Variants in SH3BGR observed in about 807,000 individuals in gnomAD.
SH3BGR encodes the protein SH3 domain-binding glutamic acid-rich protein.
In SH3BGR, 29 loss-of-function variants were observed where a neutral mutation model predicts 24.5. That is an observed-to-expected ratio of 1.18 (90% CI 0.88 to 1.61). The LOEUF is 1.61. Among genes scored for constraint, SH3BGR ranks in the 40% most tolerant of loss-of-function variants. The pLI, the probability that SH3BGR is intolerant of heterozygous loss-of-function variation, is 0.00. For synonymous variants in SH3BGR, 55 were observed against 65.7 expected (o/e 0.84, Z 0.79); for missense variants, 162 against 205.8 (o/e 0.79, Z 1.30).
chr21:39,463,372 A>T (rs761506372), intron 2 of SH3BGR, among the ~76,000 whole-genome samples: 1 of 152,238 alleles, frequency 6.6e-6, no homozygotes, highest in African/African-American at 2.4e-5. Flanking sequence ...TATAGATCAT[A>T]CTTAATAAAT....
rs142693231 is a variant in SH3BGR, at chr21:39,475,198, C to T, written c.295C>T (p.Pro99Ser). Residue 99 changes from proline to serine, a missense_variant, in exon 3 of 7, where the codon CCT (proline) becomes TCT (serine). Physicochemically the swap from Pro to Ser is moderately conservative, Grantham distance 74 (BLOSUM62 -1). Coordinates refer to ENST00000333634, the MANE Select transcript of SH3BGR (RefSeq NM_007341.3). ...TATTTATTCCTTCCTTGGTTTGGCT[C>T]CTCCTCCAGACTCAAAGGTAAGTTT... ...NIIYSFLGLAPPPDSKGSEKA... is the reference protein window; with the variant it reads ...NIIYSFLGLASPPDSKGSEKA... 3 of 1,608,784 alleles carry T rather than the reference C, an allele frequency of 1.9e-6. No homozygotes were observed. The highest frequency in any genetic ancestry group is 1.1e-5 in the South Asian group (1 of 90,940).
chr21:39,507,975 G>A (rs1392188100), intron 4 of SH3BGR, among the ~76,000 whole-genome samples: 1 of 152,158 alleles, frequency 6.6e-6, no homozygotes, highest in African/African-American at 2.4e-5. Context: ...GCCTGGTAGT[G>A]TAACAAAGAC....
chr21:39,507,157 A>G (rs1024096074), intron 4 of SH3BGR, among the ~76,000 whole-genome samples: 1 of 152,186 alleles, frequency 6.6e-6, no homozygotes, highest in African/African-American at 2.4e-5. Flanking sequence ...GAAGATTCCC[A>G]GTGCTGAAAA....
intron 2 of SH3BGR, among the ~76,000 whole-genome samples, chr21:39,473,540 CTGAG>C (rs1328614955): frequency 1.3e-5 from 2 of 152,114 alleles, no homozygotes; most frequent in African/African-American, 4.8e-5. Context: ...AAATTAATCA[CTGAG>C]AGACTTGAGG....
chr21:39,455,786 C>A (rs1026044137), intron 1 of SH3BGR, among the ~76,000 whole-genome samples: 1 of 152,206 alleles, frequency 6.6e-6, no homozygotes, highest in Non-Finnish European at 1.5e-5. Flanking sequence ...AACTCAAGTG[C>A]CCTGAATAGC....
chr21:39,458,276 T>A (rs1004547530), intron 1 of SH3BGR, among the ~76,000 whole-genome samples: 1 of 152,136 alleles, frequency 6.6e-6, no homozygotes, highest in African/African-American at 2.4e-5. Context: ...TTTAAAAAAT[T>A]GAGATATTAG....
intron 6 of SH3BGR, among the ~76,000 whole-genome samples, chr21:39,512,430 C>G (rs980845382): frequency 6.6e-6 from 1 of 152,168 alleles, no homozygotes; most frequent in Non-Finnish European, 1.5e-5. Flanking sequence ...TAAGCTCTTG[C>G]TGCCTTCTGG....
chr21:39,456,796 G>C (rs1351685148), intron 1 of SH3BGR, among the ~76,000 whole-genome samples: 1 of 152,040 alleles, frequency 6.6e-6, no homozygotes, highest in African/African-American at 2.4e-5. Context: ...ATATTTATTT[G>C]TCCGTGCTTG....
chr21:39,451,897 A>G, upstream of SH3BGR: 2 of 1,613,206 alleles, frequency 1.2e-6, no homozygotes, highest in Non-Finnish European at 1.7e-6. Context: ...CAATGGAGGG[A>G]GGAGCCCAAG....
At chr21:39,487,763 A>G (rs1354731322) in intron 3 of SH3BGR, among the ~76,000 whole-genome samples, 1 of 152,164 alleles carries the variant, frequency 6.6e-6, no homozygotes, top group African/African-American at 2.4e-5. Flanking sequence ...TTTGAGATTC[A>G]TTTTCCGGTA....
intron 3 of SH3BGR, among the ~76,000 whole-genome samples, chr21:39,495,988 G>T (rs532734441): frequency 6.6e-6 from 1 of 152,176 alleles, no homozygotes; most frequent in Admixed American, 6.5e-5. Context: ...TAAAATATAA[G>T]TAGAAAGAAA....
chr21:39,488,699 G>T, intron 3 of SH3BGR: 1 of 445,294 alleles, frequency 2.2e-6, no homozygotes. Context: ...ATACTGGGTG[G>T]GAAGATGACA....
At chr21:39,449,277 G>T (rs9979289), upstream of SH3BGR, among the ~76,000 whole-genome samples, 79,218 of 151,948 alleles carry the variant, frequency 0.52, 20,971 homozygotes, top group East Asian at 0.68. Context: ...TGCATTTTTG[G>T]TTTTTTCTGT....
rs763204970 is a variant in SH3BGR, at chr21:39,509,041, T to C, written c.435+14T>C. 1.1e-5 allele frequency: 17 copies of C among 1,604,044 alleles called. No homozygotes were observed. Among genetic ancestry groups the C allele is most frequent in the African/African-American group, 2.7e-5 (2 of 74,684 alleles). On this transcript the variant is annotated intron_variant, in intron 5 of 6. Coordinates refer to ENST00000333634, the MANE Select transcript of SH3BGR (RefSeq NM_007341.3). ...GCCACAGAAGAGGTACGGTCGACCA[T>C]CTTTAACAGCTGTGCTTAATCTGCT...
At chr21:39,455,655 C>T (rs1431822117) in intron 1 of SH3BGR, among the ~76,000 whole-genome samples, 2 of 152,176 alleles carry the variant, frequency 1.3e-5, no homozygotes, top group Non-Finnish European at 2.9e-5. Context: ...ATGCTAGAGC[C>T]GGGGCACAGG....
chr21:39,510,980 A>C lies in SH3BGR; in HGVS notation c.436-700A>C, dbSNP rs148502678. 6.4e-3 allele frequency among the ~76,000 whole-genome samples: 884 copies of C among 138,438 alleles called. 8 individuals carry two copies. Among genetic ancestry groups the C allele is most frequent in the African/African-American group, 0.023 (850 of 37,454 alleles). The allele number at this position is 138,438 out of a possible 152,430, so 90.8% of individuals were successfully genotyped here. On this transcript the variant is annotated intron_variant, in intron 5 of 6. Transcript: ENST00000333634. Reference sequence around the variant, plus strand: ...AATTTGTAAAGGTTATTTGCTGAGAATGGTTTGTTAATATGAGTGGAGACT... The same window carrying C: ...AATTTGTAAAGGTTATTTGCTGAGACTGGTTTGTTAATATGAGTGGAGACT...
intron 3 of SH3BGR, among the ~76,000 whole-genome samples, chr21:39,484,158 C>G (rs1182740282): frequency 6.6e-6 from 1 of 152,132 alleles, no homozygotes; most frequent in African/African-American, 2.4e-5. Flanking sequence ...GGGAAAAGGT[C>G]AGTGTGGAGT....
chr21:39,446,364 A>C (rs1390971972), intron 1 of SH3BGR, among the ~76,000 whole-genome samples: 1 of 152,066 alleles, frequency 6.6e-6, no homozygotes, highest in Non-Finnish European at 1.5e-5. Context: ...TTATTTATTT[A>C]CTTTTTTTCC....
At chr21:39,507,046 A>G (rs929346595) in intron 4 of SH3BGR, among the ~76,000 whole-genome samples, 1 of 152,066 alleles carries the variant, frequency 6.6e-6, no homozygotes, top group African/African-American at 2.4e-5. Flanking sequence ...TGTGAAAGCA[A>G]CCCCTGGATT....
Sources: gnomAD v4.1 joint callset for allele counts (sites outside exome capture counted in the v4.1 genomes callset) on GRCh38, gnomAD v4.1.1 for gene constraint, MANE v1.5 for transcripts, NCBI Gene and HGNC (gene_info 2026-07-23, HGNC 2026-07-21) for gene names.